Variants in LMBR1 observed in about 807,000 individuals in gnomAD.
LMBR1 encodes limb development membrane protein 1.
LMBR1 carries 52 observed loss-of-function variants against 73.9 expected under a neutral mutation model. That is an observed-to-expected ratio of 0.70 (90% CI 0.56 to 0.89). The LOEUF (loss-of-function observed/expected upper bound fraction) is 0.89. Ranked by LOEUF, LMBR1 falls within the 40% of genes least tolerant of loss-of-function variation. The pLI is 0.00. For missense variants in LMBR1, 539 were observed against 579.8 expected, an observed-to-expected ratio of 0.93 and a Z score of 0.72; for synonymous variants, 215 against 209.4, an observed-to-expected ratio of 1.03 and a Z score of -0.23.
intron 1 of LMBR1, among the ~76,000 whole-genome samples, chr7:156,884,432 AC>A (rs1801568696): frequency 6.6e-6 from 1 of 152,174 alleles, no homozygotes; most frequent in Non-Finnish European, 1.5e-5. Context: ...CACAGAAATG[AC>A]CAACTCTCTA....
intron 1 of LMBR1, among the ~76,000 whole-genome samples, chr7:156,882,245 C>G (rs1027994012): frequency 6.6e-5 from 10 of 152,134 alleles, no homozygotes; most frequent in Non-Finnish European, 1.0e-4. Context: ...AGTTTGAGAC[C>G]AGCCTGGGCA....
chr7:156,725,541 A>G lies in LMBR1; in HGVS notation c.1068-16T>C, dbSNP rs755955447. On this transcript the variant is annotated splice_polypyrimidine_tract_variant and intron_variant, in intron 13 of 16. Coordinates refer to ENST00000353442, the MANE Select transcript of LMBR1 (RefSeq NM_022458.4). ...CATAAGATAGCTGTGAGAATCAAGG[A>G]AAAAAACTCTCCAACAGAATGCAAG... is the stretch of plus-strand genomic sequence containing the variant. 56 of 1,536,206 alleles carry G rather than the reference A, an allele frequency of 3.6e-5. No individual in the cohort carries two copies. The highest frequency in any genetic ancestry group is 4.5e-5 in the Non-Finnish European group (51 of 1,125,560).
At chr7:156,759,655 G>C (rs1822597322) in intron 8 of LMBR1, among the ~76,000 whole-genome samples, 1 of 152,174 alleles carries the variant, frequency 6.6e-6, no homozygotes, top group African/African-American at 2.4e-5. Flanking sequence ...ACAAGACTTT[G>C]AGGATACTGT....
chr7:156,802,821 TAGAAA>T (rs1277704580), intron 4 of LMBR1, among the ~76,000 whole-genome samples: 2 of 152,136 alleles, frequency 1.3e-5, no homozygotes, highest in South Asian at 4.2e-4. Flanking sequence ...CTCTGCACTT[TAGAAA>T]AGAACTCAGA....
rs371073625 is a variant in LMBR1 at position 156,701,105 on chromosome 7, CACA to C, written c.1226-12917_1226-12915del. ...CAATTACCTCCCACCAGACCCCTCC[CACA>C]ACATGTGGGAATTCAAGATGAGATA... is the stretch of plus-strand genomic sequence containing the variant. On this transcript the variant is annotated intron_variant, in intron 15 of 16. Transcript: ENST00000353442. Among the ~76,000 whole-genome samples the C allele has an allele frequency of 6.0e-3, 916 of 152,288 alleles. 20 individuals are homozygous for C. In the South Asian group the frequency reaches 0.079, roughly 13 times the overall value.
chr7:156,674,499 C>T (rs1045921108), downstream of LMBR1, among the ~76,000 whole-genome samples: 8 of 152,188 alleles, frequency 5.3e-5, no homozygotes, highest in African/African-American at 1.4e-4. Context: ...AAAAAGGAGC[C>T]GCTGGTGTGG....
At chr7:156,732,392 G>C (rs1485193367) in intron 10 of LMBR1, among the ~76,000 whole-genome samples, 2 of 152,108 alleles carry the variant, frequency 1.3e-5, no homozygotes, top group Non-Finnish European at 2.9e-5. Context: ...GCATGAAATG[G>C]GAATCTGGGG....
chr7:156,760,988 T>G (rs897040083), intron 8 of LMBR1, among the ~76,000 whole-genome samples: 10 of 152,208 alleles, frequency 6.6e-5, no homozygotes, highest in African/African-American at 2.4e-4. Context: ...TTCAAAGCTA[T>G]GTAGACAGTG....
At chr7:156,834,421 G>A in intron 2 of LMBR1, 1 of 173,672 alleles carries the variant, frequency 5.8e-6, no homozygotes, top group Non-Finnish European at 1.2e-5. Flanking sequence ...AGCAACATAG[G>A]GAGACTCCAT....
intron 4 of LMBR1, among the ~76,000 whole-genome samples, chr7:156,824,438 T>C (rs1467223880): frequency 3.3e-5 from 5 of 152,196 alleles, no homozygotes; most frequent in African/African-American, 1.2e-4. Flanking sequence ...AAATTTAAAC[T>C]TGCTTTTTCT....
At chr7:156,862,614 G>A (rs369231639) in intron 1 of LMBR1, among the ~76,000 whole-genome samples, 16 of 152,072 alleles carry the variant, frequency 1.1e-4, no homozygotes, top group Middle Eastern at 6.8e-3. Context: ...TTAAAACTTC[G>A]CTCTGCAAAA....
In LMBR1 at chr7:156,826,646, T is replaced by C. The variant is rs1835744526; in HGVS notation, c.278A>G (p.Gln93Arg). 6.3e-7 allele frequency: 1 copy of C among 1,597,594 alleles called. No individual in the cohort carries two copies. Among genetic ancestry groups the C allele is most frequent in the Admixed American group, 1.7e-5 (1 of 57,896 alleles). The change falls in exon 4 of 17, where the codon CAG (glutamine) becomes CGG (arginine). Residue 93 changes from glutamine (Q) to arginine (R), a missense_variant. Gln to Arg is a conservative substitution (Grantham distance 43). This residue lies in a region of LMBR1 where 454 missense variants were observed against 473.4 expected (regional missense o/e 0.96). Coordinates refer to ENST00000353442, the MANE Select transcript of LMBR1 (RefSeq NM_022458.4). ...ATTTAGCCACTGAATATAGTAGTTC[T>C]GAGGAAAAGAAAGCAGGATTTCATT... ...ISNEILLSFP[Q>R]NYYIQWLNGS...
Position 156,866,065 on chromosome 7 carries a change from C to CAA in LMBR1, c.66+26861_66+26862dup, listed in dbSNP as rs74275049. Reference sequence around the variant, plus strand: ...CATATGACATTAAAATCTCAAAAGACAAAAAAAAAAAAAAATAGAGAAACT... The same window carrying CAA: ...CATATGACATTAAAATCTCAAAAGACAAAAAAAAAAAAAAAAATAGAGAAACT... On this transcript the variant is annotated intron_variant, in intron 1 of 16. Transcript: ENST00000353442. 2.6e-3 allele frequency among the ~76,000 whole-genome samples: 250 copies of CAA among 96,348 alleles called. 1 individual carries two copies. The highest frequency in any genetic ancestry group is 6.2e-3 in the Middle Eastern group (1 of 162). 63.2% of individuals were successfully genotyped at this position (96,348 alleles called of 152,430 possible). A position where few individuals can be genotyped will look rare whatever the true frequency, so the allele number is the denominator to read the frequency against.
chr7:156,700,770 C>T (rs1323253247), intron 15 of LMBR1, among the ~76,000 whole-genome samples: 1 of 152,160 alleles, frequency 6.6e-6, no homozygotes, highest in Non-Finnish European at 1.5e-5. Context: ...GTTCCAAAGT[C>T]GCTTCCATAT....
chr7:156,775,386 T>C (rs1825940875), intron 5 of LMBR1, among the ~76,000 whole-genome samples: 1 of 152,144 alleles, frequency 6.6e-6, no homozygotes, highest in Non-Finnish European at 1.5e-5. Context: ...AAATAAAAAA[T>C]GAAGATCTTC....
At chr7:156,772,456 T>C (rs114007435) in intron 5 of LMBR1, among the ~76,000 whole-genome samples, 1 of 152,166 alleles carries the variant, frequency 6.6e-6, no homozygotes, top group African/African-American at 2.4e-5. Flanking sequence ...GCTGGAAGCA[T>C]AGCCCCTTGA....
At chr7:156,728,053 A>G (rs375978075) in intron 11 of LMBR1, 46 bp from the exon 12 acceptor site, 432 of 1,444,354 alleles carry the variant, frequency 3.0e-4, no homozygotes, top group South Asian at 7.4e-4. Flanking sequence ...TTTTTCACCA[A>G]TACAAAATAT....
chr7:156,831,675 T>C (rs1836720633), intron 3 of LMBR1, among the ~76,000 whole-genome samples: 2 of 152,198 alleles, frequency 1.3e-5, no homozygotes, highest in Non-Finnish European at 2.9e-5. Flanking sequence ...CCCTCGCACG[T>C]GCTGTGCCAG....
rs1231445387 is a variant in LMBR1 at position 156,734,275 on chromosome 7, T to A, written c.758-18A>T. On this transcript the variant is annotated intron_variant, in intron 9 of 16. Coordinates refer to ENST00000353442, the MANE Select transcript of LMBR1 (RefSeq NM_022458.4). ...AGACAGCCCTGTTCAAAGCAAAAAA[T>A]ATTTAGAAGTAAAACAGAACCCCTA... is the stretch of plus-strand genomic sequence containing the variant. 1 of 1,558,690 alleles carries A rather than the reference T, an allele frequency of 6.4e-7. No individual in the cohort carries two copies. Among genetic ancestry groups the A allele is most frequent in the Middle Eastern group, 1.7e-4 (1 of 5,842 alleles).
Sources: allele counts gnomAD v4.1 joint callset (sites outside exome capture counted in the v4.1 genomes callset), GRCh38; gene constraint gnomAD v4.1.1; regional missense constraint gnomAD v4.1.1; transcripts MANE v1.5; gene names NCBI Gene and HGNC (gene_info 2026-07-23, HGNC 2026-07-21).